The following DLGAP4 variants were observed in gnomAD, a reference collection of about 807,000 sequenced individuals.
DLGAP4 encodes disks large-associated protein 4.
Under a neutral mutation model 86.9 loss-of-function variants are expected in DLGAP4, and 18 were observed. The observed-to-expected ratio is 0.21, with a 90% CI of 0.14 to 0.31. The LOEUF (loss-of-function observed/expected upper bound fraction) is 0.31, where lower values mean the gene tolerates loss of function less well. Ranked by LOEUF, DLGAP4 falls within the 10% of genes least tolerant of loss-of-function variation. DLGAP4 has a pLI of 1.00. For synonymous variants in DLGAP4, 548 were observed against 574.3 expected (o/e 0.95, Z 0.65); for missense variants, 1,085 against 1,362.6 (o/e 0.80, Z 3.21).
At chr20:36,440,526 C>T (rs1482911873) in intron 5 of DLGAP4, among the ~76,000 whole-genome samples, 1 of 152,080 alleles carries the variant, frequency 6.6e-6, no homozygotes, top group Non-Finnish European at 1.5e-5. Context: ...ACCATCAGCT[C>T]CTTGAGCCCT....
intron 2 of DLGAP4, among the ~76,000 whole-genome samples, chr20:36,380,003 G>C (rs559114139): frequency 6.6e-6 from 1 of 151,652 alleles, no homozygotes; most frequent in East Asian, 1.9e-4. Flanking sequence ...GCAACATAGT[G>C]AGACTCTGTC....
chr20:36,371,512 G>A (rs1569475760), intron 2 of DLGAP4, among the ~76,000 whole-genome samples: 2 of 152,252 alleles, frequency 1.3e-5, no homozygotes, highest in Non-Finnish European at 2.9e-5. Flanking sequence ...TCTCTAAGGA[G>A]ATGGCACTTG....
intron 7 of DLGAP4, among the ~76,000 whole-genome samples, chr20:36,455,925 T>C (rs1249586440): frequency 6.6e-6 from 1 of 152,056 alleles, no homozygotes; most frequent in Non-Finnish European, 1.5e-5. Context: ...GCCCAACGCC[T>C]CTAGTCTCCA....
At chr20:36,491,185 C>G (rs898108013) in intron 7 of DLGAP4, among the ~76,000 whole-genome samples, 3 of 150,586 alleles carry the variant, frequency 2.0e-5, no homozygotes, top group African/African-American at 7.4e-5. Context: ...GAACAAGACT[C>G]TGTCTCAAAA....
At chr20:36,346,561 T>G (rs1300072303) in intron 1 of DLGAP4, among the ~76,000 whole-genome samples, 1 of 152,146 alleles carries the variant, frequency 6.6e-6, no homozygotes, top group Non-Finnish European at 1.5e-5. Context: ...AGGTTGTGCC[T>G]GGTGTGTGGT....
At chr20:36,315,553 G>C (rs1260623666) in intron 1 of DLGAP4, among the ~76,000 whole-genome samples, 7 of 152,028 alleles carry the variant, frequency 4.6e-5, no homozygotes, top group Non-Finnish European at 7.4e-5. Context: ...TGGGTCCCTG[G>C]GGTTGCTGGA....
At chr20:36,439,152 G>GA (rs1241349829) in intron 4 of DLGAP4, among the ~76,000 whole-genome samples, 1 of 152,202 alleles carries the variant, frequency 6.6e-6, no homozygotes, top group African/African-American at 2.4e-5. Context: ...TGCCTGACCT[G>GA]ATATCCTTTA....
intron 1 of DLGAP4, among the ~76,000 whole-genome samples, chr20:36,316,468 T>A (rs1182348319): frequency 1.3e-5 from 2 of 152,120 alleles, no homozygotes; most frequent in African/African-American, 4.8e-5. Flanking sequence ...TAACTCTGAT[T>A]TGTTACTTAT....
At chr20:36,399,554 T>A (rs1380782224) in intron 2 of DLGAP4, among the ~76,000 whole-genome samples, 1 of 152,180 alleles carries the variant, frequency 6.6e-6, no homozygotes, top group Admixed American at 6.5e-5. Flanking sequence ...TGGGGAGCTA[T>A]GGGTGGGCCT....
At chr20:36,323,892 G>T (rs2065192986) in intron 1 of DLGAP4, among the ~76,000 whole-genome samples, 2 of 152,242 alleles carry the variant, frequency 1.3e-5, no homozygotes, top group Admixed American at 1.3e-4. Context: ...AGGCGGTAAA[G>T]CTGGCTTGCC....
At chr20:36,445,738 T>C (rs1386978442) in intron 6 of DLGAP4, among the ~76,000 whole-genome samples, 1 of 152,206 alleles carries the variant, frequency 6.6e-6, no homozygotes, top group Admixed American at 6.5e-5. Flanking sequence ...GTCAGTCAGC[T>C]TGTGCCCCCT....
chr20:36,499,783 A>G, intron 9 of DLGAP4, 107 bp downstream of exon 9: 1 of 933,440 alleles, frequency 1.1e-6, no homozygotes, highest in East Asian at 5.7e-5. Flanking sequence ...ATTTCTAATA[A>G]CCAAGCTGGG....
chr20:36,482,497 A>G (rs771950687), intron 7 of DLGAP4, among the ~76,000 whole-genome samples: 3 of 152,086 alleles, frequency 2.0e-5, no homozygotes, highest in Non-Finnish European at 4.4e-5. Flanking sequence ...CAAAGCTCGT[A>G]TGATACAGCC....
At chr20:36,456,517 G>T (rs1225334328) in intron 7 of DLGAP4, among the ~76,000 whole-genome samples, 1 of 152,174 alleles carries the variant, frequency 6.6e-6, no homozygotes, top group Non-Finnish European at 1.5e-5. Context: ...ATAATGGGAG[G>T]ACCCAGGAGG....
intron 11 of DLGAP4, among the ~76,000 whole-genome samples, chr20:36,524,857 G>A (rs868486928): frequency 1.3e-5 from 2 of 151,692 alleles, no homozygotes; most frequent in Admixed American, 6.6e-5. Flanking sequence ...AGCCGAGATC[G>A]TGCCACTGCA....
At chr20:36,445,276 C>T (rs908181244) in intron 6 of DLGAP4, among the ~76,000 whole-genome samples, 6 of 152,120 alleles carry the variant, frequency 3.9e-5, no homozygotes, top group Non-Finnish European at 5.9e-5. Context: ...GAGGCCGAGG[C>T]GGGCAGATCA....
intron 7 of DLGAP4, among the ~76,000 whole-genome samples, chr20:36,490,565 G>A (rs1348134860): frequency 6.6e-6 from 1 of 152,174 alleles, no homozygotes; most frequent in African/African-American, 2.4e-5. Flanking sequence ...CTTTCTCTGG[G>A]GTCAGCTTCA....
intron 2 of DLGAP4, among the ~76,000 whole-genome samples, chr20:36,379,343 A>G (rs2031285674): frequency 6.6e-6 from 1 of 152,172 alleles, no homozygotes; most frequent in Non-Finnish European, 1.5e-5. Context: ...GGGGGAAGAG[A>G]TGGAACCAGG....
At chr20:36,427,876 G>A (rs2033022635) in intron 2 of DLGAP4, among the ~76,000 whole-genome samples, 1 of 152,108 alleles carries the variant, frequency 6.6e-6, no homozygotes, top group Admixed American at 6.6e-5. Context: ...CCAGGAGGCA[G>A]AGGTTGCAGT....
Sources: allele counts gnomAD v4.1 joint callset (sites outside exome capture counted in the v4.1 genomes callset), GRCh38; gene constraint gnomAD v4.1.1; transcripts MANE v1.5; gene names NCBI Gene and HGNC (gene_info 2026-07-23, HGNC 2026-07-21).